The following RGS5 variants were observed in gnomAD, a reference collection of about 807,000 sequenced individuals.
RGS5 encodes regulator of G protein signaling 5, also known as regulator of G-protein signalling 5.
RGS5 carries 20 observed loss-of-function variants against 18.9 expected under a neutral mutation model. The ratio of observed to expected loss-of-function variants is 1.06; its 90% CI spans 0.74 to 1.54. RGS5 has a LOEUF of 1.54. Ranked by LOEUF, RGS5 falls within the 40% of genes most tolerant of loss-of-function variation. The pLI, the probability that RGS5 is intolerant of heterozygous loss-of-function variation, is 0.00. For synonymous variants in RGS5, 57 were observed against 76.2 expected (o/e 0.75, Z 1.31); for missense variants, 201 against 211.8 (o/e 0.95, Z 0.32).
intron 2 of RGS5, among the ~76,000 whole-genome samples, chr1:163,235,960 T>C (rs1571309865): frequency 6.6e-6 from 1 of 152,188 alleles, no homozygotes. Flanking sequence ...AGCATAGCCA[T>C]GAATCTTTTC....
At chr1:163,192,525 T>C (rs1659400571) in intron 1 of RGS5, among the ~76,000 whole-genome samples, 2 of 152,180 alleles carry the variant, frequency 1.3e-5, no homozygotes, top group Non-Finnish European at 2.9e-5. Context: ...CAATCTACGT[T>C]CATCTTTGTG....
At chr1:163,154,677 T>C (rs760924054) in intron 3 of RGS5, among the ~76,000 whole-genome samples, 1 of 151,940 alleles carries the variant, frequency 6.6e-6, no homozygotes, top group Non-Finnish European at 1.5e-5. Context: ...GTATTTTCTC[T>C]CTCTTCTAAT....
At chr1:163,281,802 T>C (rs1283438681) in intron 2 of RGS5, among the ~76,000 whole-genome samples, 2 of 152,160 alleles carry the variant, frequency 1.3e-5, no homozygotes, top group Non-Finnish European at 2.9e-5. Context: ...AAAGGTATCA[T>C]TAACACACAT....
intron 1 of RGS5, among the ~76,000 whole-genome samples, chr1:163,168,986 A>G (rs1289410518): frequency 3.3e-5 from 5 of 150,926 alleles, no homozygotes; most frequent in African/African-American, 1.2e-4. Context: ...AGCATTAGGT[A>G]TATCTCCCAA....
chr1:163,234,802 G>C (rs12122769), intron 2 of RGS5, among the ~76,000 whole-genome samples: 29,842 of 152,106 alleles, frequency 0.2, 3,378 homozygotes, highest in Non-Finnish European at 0.25. Flanking sequence ...CATTCACCTG[G>C]AGGGCTGGCT....
At chr1:163,317,231 T>C (rs895997943) in intron 1 of RGS5, among the ~76,000 whole-genome samples, 2 of 152,154 alleles carry the variant, frequency 1.3e-5, no homozygotes, top group African/African-American at 4.8e-5. Context: ...ATCCCATTTA[T>C]CTGGGTACTC....
At chr1:163,243,612 C>T (rs997052470) in intron 2 of RGS5, among the ~76,000 whole-genome samples, 1 of 140,136 alleles carries the variant, frequency 7.1e-6, no homozygotes, top group Non-Finnish European at 1.5e-5. Context: ...CCACTGCACC[C>T]CAGCCTGGGC....
chr1:163,246,657 G>C (rs1292362224), intron 2 of RGS5, among the ~76,000 whole-genome samples: 1 of 152,080 alleles, frequency 6.6e-6, no homozygotes, highest in Non-Finnish European at 1.5e-5. Flanking sequence ...CTAATCATTG[G>C]GAAGAACAGT....
chr1:163,299,107 G>T (rs1043177697), intron 2 of RGS5, among the ~76,000 whole-genome samples: 1 of 152,184 alleles, frequency 6.6e-6, no homozygotes, highest in Non-Finnish European at 1.5e-5. Flanking sequence ...ATGAGAAAAG[G>T]AGCTGAATAG....
intron 2 of RGS5, among the ~76,000 whole-genome samples, chr1:163,291,286 G>T (rs998423096): frequency 2.1e-4 from 32 of 152,076 alleles, no homozygotes; most frequent in Admixed American, 2.0e-3. Context: ...CGGGCAGGGG[G>T]GTATCTATCT....
At chr1:163,302,431 A>T (rs1649577223) in intron 2 of RGS5, among the ~76,000 whole-genome samples, 1 of 152,166 alleles carries the variant, frequency 6.6e-6, no homozygotes, top group Non-Finnish European at 1.5e-5. Flanking sequence ...TTCTTAAGCT[A>T]TGTGTTAAAA....
chr1:163,192,242 TG>T (rs559486658), intron 1 of RGS5, among the ~76,000 whole-genome samples: 260 of 152,198 alleles, frequency 1.7e-3, no homozygotes, highest in Non-Finnish European at 2.9e-3. Flanking sequence ...GCATCTGAAG[TG>T]GGGGGCAGTC....
chr1:163,263,501 C>T (rs1648503631), intron 2 of RGS5, among the ~76,000 whole-genome samples: 1 of 152,146 alleles, frequency 6.6e-6, no homozygotes, highest in Admixed American at 6.6e-5. Flanking sequence ...ATTCTAACCA[C>T]TATTACTGGG....
chr1:163,219,558 A>T (rs1001294601), upstream of RGS5, among the ~76,000 whole-genome samples: 1 of 152,152 alleles, frequency 6.6e-6, no homozygotes, highest in Non-Finnish European at 1.5e-5. Context: ...ATGTCTCTTC[A>T]TTCTAATTCT....
At position 163,152,629 on chromosome 1, in the gene RGS5, T is replaced by G. The variant is rs747730118; in HGVS notation, c.305A>C (p.Lys102Thr). ...AGCCATCTTGGCAGGGGACTTGATC[T>G]TCTTGTAATCCTCACAGGCAATCCA... ...EFWIACEDYK[K>T]IKSPAKMAEK... Residue 102 changes from lysine (K) to threonine (T), a missense_variant, in exon 4 of 5, where the codon AAG becomes ACG. Lys to Thr is a moderately conservative substitution (Grantham distance 78, BLOSUM62 -1). Transcript: ENST00000313961. 1 of 1,613,102 alleles carries G rather than the reference T, an allele frequency of 6.2e-7. No homozygotes were observed. Among genetic ancestry groups the G allele is most frequent in the Admixed American group, 1.7e-5 (1 of 59,944 alleles).
intron 2 of RGS5, among the ~76,000 whole-genome samples, chr1:163,228,376 T>C (rs1647388500): frequency 6.6e-6 from 1 of 152,238 alleles, no homozygotes; most frequent in African/African-American, 2.4e-5. Flanking sequence ...CTTGGGGCTT[T>C]CGCCCTCTGA....
chr1:163,268,072 T>A (rs1648613484), intron 2 of RGS5, among the ~76,000 whole-genome samples: 1 of 152,086 alleles, frequency 6.6e-6, no homozygotes, highest in Admixed American at 6.6e-5. Context: ...TCTGTGGCTT[T>A]ACTAGATAAC....
At chr1:163,273,260 T>G (rs1360181883) in intron 2 of RGS5, among the ~76,000 whole-genome samples, 3 of 152,128 alleles carry the variant, frequency 2.0e-5, no homozygotes, top group African/African-American at 7.2e-5. Context: ...AGTTGGTTGA[T>G]AGCATTGCTC....
chr1:163,230,726 A>G lies in RGS5; in HGVS notation c.-280-62358T>C, dbSNP rs560376490. 2.6e-5 allele frequency among the ~76,000 whole-genome samples: 4 copies of G among 152,376 alleles called. No homozygotes were observed. The South Asian group carries it at 8.3e-4, about 32-fold the overall frequency. On this transcript the variant is annotated intron_variant, in intron 2 of 5. Transcript: ENST00000618415. ...GATAAAAGATTTATAACACCTGATG[A>G]TTAACCTTCAGGAACTCACAGCATA...
Sources: gnomAD v4.1 joint callset for allele counts (sites outside exome capture counted in the v4.1 genomes callset) on GRCh38, gnomAD v4.1.1 for gene constraint, MANE v1.5 for transcripts, NCBI Gene and HGNC (gene_info 2026-07-23, HGNC 2026-07-21) for gene names.